RP1: variants seen among roughly 807,000 people sequenced by gnomAD.
RP1 encodes the protein RP1 axonemal microtubule associated.
A neutral mutation model predicts 14.8 loss-of-function variants in RP1; 16 were observed. That is an observed-to-expected ratio of 1.08 (90% CI 0.73 to 1.65). RP1 has a LOEUF of 1.65. Among genes scored for constraint, RP1 ranks in the 40% most tolerant of loss-of-function variants. The pLI, the probability that RP1 is intolerant of heterozygous loss-of-function variation, is 0.00. For synonymous variants in RP1, 876 were observed against 883.6 expected (o/e 0.99, Z 0.15); for missense variants, 2,631 against 2,535.0 (o/e 1.04, Z -0.81).
At chr8:54,582,115 C>T (rs911050826) in intron 1 of RP1, among the ~76,000 whole-genome samples, 4 of 152,168 alleles carry the variant, frequency 2.6e-5, no homozygotes, top group Admixed American at 2.0e-4. Flanking sequence ...AGGTTTTCTT[C>T]TACGGTTTTT....
chr8:54,696,931 G>GA, intron 12 of RP1: 1 of 905,060 alleles, frequency 1.1e-6, no homozygotes, highest in Non-Finnish European at 1.8e-6. Context: ...AGCACCTGGG[G>GA]AAGTTTGACA....
In RP1 at chr8:54,825,181, G is replaced by T. The variant is rs367605277; in HGVS notation, c.3616-12269G>T. ...TCATTGTGTTAGCCAGGGTGGTCTT[G>T]ATCTCCCGACCTCGTGATCCATCCA... On this transcript the variant is annotated intron_variant, in intron 24 of 28. Coordinates refer to the RP1 transcript ENST00000637698. 9.2e-5 allele frequency among the ~76,000 whole-genome samples: 14 copies of T among 152,192 alleles called. No individual in the cohort carries two copies. The South Asian group carries it at 2.9e-3, about 32-fold the overall frequency.
chr8:54,803,300 G>A (rs1047174741), intron 24 of RP1, among the ~76,000 whole-genome samples: 9 of 152,100 alleles, frequency 5.9e-5, no homozygotes, highest in East Asian at 1.9e-4. Flanking sequence ...AGAGAGACAC[G>A]TAGACAGAAT....
intron 19 of RP1, among the ~76,000 whole-genome samples, chr8:54,749,175 C>T (rs1288329164): frequency 6.6e-6 from 1 of 151,688 alleles, no homozygotes; most frequent in East Asian, 1.9e-4. Flanking sequence ...CTAAAAAATA[C>T]AAAAAATTAG....
At chr8:54,589,954 T>C (rs1206700512) in intron 1 of RP1, among the ~76,000 whole-genome samples, 1 of 151,820 alleles carries the variant, frequency 6.6e-6, no homozygotes, top group Non-Finnish European at 1.5e-5. Context: ...GATTTTATCC[T>C]TTTTTCCTTG....
chr8:54,801,405 G>A (rs922570315), intron 24 of RP1, among the ~76,000 whole-genome samples: 29 of 152,174 alleles, frequency 1.9e-4, no homozygotes, highest in African/African-American at 7.0e-4. Context: ...GGCCTAGGAT[G>A]TGTTTTTGCC....
intron 26 of RP1, among the ~76,000 whole-genome samples, chr8:54,853,199 T>A (rs1339307684): frequency 6.6e-6 from 1 of 152,146 alleles, no homozygotes; most frequent in Admixed American, 6.5e-5. Context: ...GAGTCTGAGA[T>A]GCTGTTCAGA....
At chr8:54,666,127 G>C (rs1585591170) in intron 7 of RP1, among the ~76,000 whole-genome samples, 1 of 152,208 alleles carries the variant, frequency 6.6e-6, no homozygotes, top group Middle Eastern at 3.4e-3. Flanking sequence ...ACTCCTTCCA[G>C]GGAGAAGATG....
intron 1 of RP1, among the ~76,000 whole-genome samples, chr8:54,577,917 A>G (rs944570834): frequency 3.3e-5 from 5 of 151,838 alleles, no homozygotes; most frequent in Non-Finnish European, 7.4e-5. Context: ...ATTTTCAGAG[A>G]GGAGGAGATG....
intron 25 of RP1, among the ~76,000 whole-genome samples, chr8:54,850,841 G>A (rs1239725279): frequency 2.6e-5 from 4 of 152,138 alleles, no homozygotes; most frequent in Admixed American, 1.3e-4. Context: ...TAATGAACAC[G>A]AAGTCAATGT....
chr8:54,660,893 T>C (rs1163040928), intron 6 of RP1, among the ~76,000 whole-genome samples: 6 of 152,108 alleles, frequency 3.9e-5, no homozygotes, highest in South Asian at 4.1e-4. Context: ...GAAGAATACC[T>C]CTGATTAGAA....
At chr8:54,711,169 T>G (rs1188908023) in intron 15 of RP1, among the ~76,000 whole-genome samples, 4 of 152,214 alleles carry the variant, frequency 2.6e-5, no homozygotes, top group Non-Finnish European at 4.4e-5. Flanking sequence ...CTATGTTTTT[T>G]TAATAGACAT....
chr8:54,601,279 T>C (rs906486413), intron 1 of RP1, among the ~76,000 whole-genome samples: 6 of 149,920 alleles, frequency 4.0e-5, no homozygotes, highest in Non-Finnish European at 7.3e-5. Flanking sequence ...ATTTTCAACA[T>C]GTGGATATGT....
At chr8:54,577,298 G>A (rs939111305) in intron 1 of RP1, among the ~76,000 whole-genome samples, 1 of 152,178 alleles carries the variant, frequency 6.6e-6, no homozygotes. Flanking sequence ...TTACAGGCGT[G>A]AGCTGCCGCA....
chr8:54,597,886 T>C (rs771269413), intron 1 of RP1, among the ~76,000 whole-genome samples: 1 of 152,112 alleles, frequency 6.6e-6, no homozygotes, highest in Non-Finnish European at 1.5e-5. Context: ...TTTGGGTTGA[T>C]GAAAATGTGT....
chr8:54,833,395 A>G (rs376856795), intron 24 of RP1, among the ~76,000 whole-genome samples: 2 of 151,958 alleles, frequency 1.3e-5, no homozygotes, highest in East Asian at 3.8e-4. Context: ...TGTTTGTTTT[A>G]CAGCGCCCTC....
chr8:54,664,439 T>C (rs985099723), intron 7 of RP1, among the ~76,000 whole-genome samples: 3 of 152,126 alleles, frequency 2.0e-5, no homozygotes, highest in Non-Finnish European at 4.4e-5. Context: ...GATCATATGG[T>C]AGTTTGTTTT....
exon 23 of RP1, chr8:54,769,786 A>G: frequency 6.5e-7 from 1 of 1,534,048 alleles, no homozygotes; most frequent in East Asian, 2.4e-5. Context: ...CAGAAATTGA[A>G]CTTTATCTTC....
intron 12 of RP1, among the ~76,000 whole-genome samples, chr8:54,692,660 G>T (rs569664889): frequency 7.4e-6 from 1 of 136,000 alleles, no homozygotes; most frequent in African/African-American, 2.9e-5. Context: ...TTTTTGATGG[G>T]GTTGTTTGTT....
Sources: gnomAD v4.1 joint callset for allele counts (sites outside exome capture counted in the v4.1 genomes callset) on GRCh38, gnomAD v4.1.1 for gene constraint, MANE v1.5 for transcripts, NCBI Gene and HGNC (gene_info 2026-07-23, HGNC 2026-07-21) for gene names.